SNCAIP: variants seen among roughly 807,000 people sequenced by gnomAD.
SNCAIP encodes synphilin-1.
In SNCAIP, 43 loss-of-function variants were observed where a neutral mutation model predicts 86.7. That is an observed-to-expected ratio of 0.50 (90% CI 0.39 to 0.64). SNCAIP has a LOEUF of 0.64. Ranked by LOEUF, SNCAIP falls within the 30% of genes least tolerant of loss-of-function variation. The pLI, the probability that SNCAIP is intolerant of heterozygous loss-of-function variation, is 0.00. For synonymous variants in SNCAIP, 417 were observed against 427.2 expected, an observed-to-expected ratio of 0.98 and a Z score of 0.29; for missense variants, 981 against 1,103.1, an observed-to-expected ratio of 0.89 and a Z score of 1.57.
At chr5:122,380,326 A>G (rs1224511471) in intron 1 of SNCAIP, among the ~76,000 whole-genome samples, 3 of 152,220 alleles carry the variant, frequency 2.0e-5, no homozygotes, top group East Asian at 1.9e-4. Flanking sequence ...GTTTATTTGC[A>G]TAGACGTGTT....
At chr5:122,406,162 T>G (rs1312118868) in intron 3 of SNCAIP, among the ~76,000 whole-genome samples, 1 of 152,150 alleles carries the variant, frequency 6.6e-6, no homozygotes, top group African/African-American at 2.4e-5. Flanking sequence ...CATGGGCCCC[T>G]CTGAAAGAAA....
At chr5:122,395,994 C>A (rs1770538513) in intron 2 of SNCAIP, among the ~76,000 whole-genome samples, 1 of 151,622 alleles carries the variant, frequency 6.6e-6, no homozygotes, top group Non-Finnish European at 1.5e-5. Flanking sequence ...GTAAGCCCTG[C>A]CCTTCCTAGC....
In SNCAIP at chr5:122,315,045, G is replaced by T. The variant is rs10052918; in HGVS notation, c.-47+2761G>T. 3.9e-5 allele frequency among the ~76,000 whole-genome samples: 6 copies of T among 152,132 alleles called. No individual in the cohort carries two copies. In the South Asian group the frequency reaches 1.2e-3, roughly 32 times the overall value. On this transcript the variant is annotated intron_variant, in intron 1 of 10. Coordinates refer to ENST00000261368, the MANE Select transcript of SNCAIP (RefSeq NM_005460.4). ...GGAATTCTGAGGAGAGAGTGATCAA[G>T]GTAGCTTAAATGTTATATCAGTTAT...
At chr5:122,315,646 G>T (rs1180277478) in intron 1 of SNCAIP, among the ~76,000 whole-genome samples, 1 of 152,102 alleles carries the variant, frequency 6.6e-6, no homozygotes, top group East Asian at 1.9e-4. Flanking sequence ...AATAGCCCAG[G>T]ATTTAGGTTA....
At chr5:122,325,567 A>G (rs1041276726) in intron 1 of SNCAIP, among the ~76,000 whole-genome samples, 111 of 152,232 alleles carry the variant, frequency 7.3e-4, no homozygotes, top group African/African-American at 2.6e-3. Context: ...TGCCCTTTTT[A>G]CTAAACAACT....
intron 1 of SNCAIP, among the ~76,000 whole-genome samples, chr5:122,380,139 G>C (rs966219870): frequency 1.3e-5 from 2 of 152,100 alleles, no homozygotes; most frequent in Non-Finnish European, 2.9e-5. Context: ...TTGTACCTCT[G>C]GTAGAATTCG....
chr5:122,447,281 C>T (rs1266273170), intron 8 of SNCAIP, among the ~76,000 whole-genome samples: 2 of 152,126 alleles, frequency 1.3e-5, no homozygotes, highest in Non-Finnish European at 2.9e-5. Flanking sequence ...CAGAGCTGTG[C>T]GATAATAAAC....
At chr5:122,406,350 G>A (rs186168679) in intron 3 of SNCAIP, among the ~76,000 whole-genome samples, 189 of 152,248 alleles carry the variant, frequency 1.2e-3, no homozygotes, top group Non-Finnish European at 1.4e-3. Flanking sequence ...TCAAACAGAC[G>A]CAGCAGAATG....
intron 7 of SNCAIP, 168 bp from the exon 8 acceptor site, chr5:122,444,395 T>C: frequency 1.4e-6 from 1 of 694,432 alleles, no homozygotes; most frequent in Admixed American, 2.0e-5. Context: ...TTGATAGTAG[T>C]AGGACTGGCT....
At chr5:122,320,536 G>T (rs932707683) in intron 1 of SNCAIP, among the ~76,000 whole-genome samples, 1 of 152,196 alleles carries the variant, frequency 6.6e-6, no homozygotes, top group Non-Finnish European at 1.5e-5. Context: ...GAAGTATCAA[G>T]AATTTATTCT....
chr5:122,383,156 A>C (rs1202539717), intron 1 of SNCAIP, among the ~76,000 whole-genome samples: 3 of 152,090 alleles, frequency 2.0e-5, no homozygotes, highest in African/African-American at 7.2e-5. Context: ...GCAGCCTTGC[A>C]GTTTGATCTC....
intron 3 of SNCAIP, among the ~76,000 whole-genome samples, chr5:122,422,323 A>G (rs1018154532): frequency 6.6e-6 from 1 of 152,132 alleles, no homozygotes; most frequent in African/African-American, 2.4e-5. Context: ...TTAATGGCAC[A>G]CCTAGGGAGT....
chr5:122,364,956 CAT>C (rs1762863884), intron 1 of SNCAIP, among the ~76,000 whole-genome samples: 1 of 151,990 alleles, frequency 6.6e-6, no homozygotes, highest in African/African-American at 2.4e-5. Context: ...TGAAAGAAAA[CAT>C]AGAAAAGAAT....
At chr5:122,370,120 C>T (rs1490651442) in intron 1 of SNCAIP, 1 of 151,976 alleles carries the variant, frequency 6.6e-6, no homozygotes, top group Non-Finnish European at 1.5e-5. Flanking sequence ...ATGGATATCC[C>T]AGTTACTCCA....
intron 1 of SNCAIP, among the ~76,000 whole-genome samples, chr5:122,323,633 A>G (rs964685237): frequency 2.6e-5 from 4 of 152,230 alleles, no homozygotes; most frequent in Admixed American, 1.3e-4. Context: ...AAGCATCACG[A>G]TGTGTGAGTA....
intron 10 of SNCAIP, among the ~76,000 whole-genome samples, chr5:122,455,612 G>C (rs547268685): frequency 6.6e-6 from 1 of 152,134 alleles, no homozygotes; most frequent in African/African-American, 2.4e-5. Flanking sequence ...AAAAGAGTGA[G>C]GCGATGGATC....
At chr5:122,401,417 C>A (rs919711482) in intron 2 of SNCAIP, among the ~76,000 whole-genome samples, 2 of 152,144 alleles carry the variant, frequency 1.3e-5, no homozygotes, top group Admixed American at 6.6e-5. Context: ...TTTATACTTA[C>A]TGAAACAGAT....
chr5:122,372,125 A>G (rs1269433707), intron 1 of SNCAIP, among the ~76,000 whole-genome samples: 1 of 152,174 alleles, frequency 6.6e-6, no homozygotes, highest in African/African-American at 2.4e-5. Context: ...ATGCAGCACT[A>G]GGAGTTTTTC....
At chr5:122,413,967 T>C (rs1434606994) in intron 3 of SNCAIP, among the ~76,000 whole-genome samples, 1 of 152,164 alleles carries the variant, frequency 6.6e-6, no homozygotes, top group African/African-American at 2.4e-5. Context: ...TGAAGTGAAT[T>C]GGTACAATCA....
Sources: gnomAD v4.1 joint callset for allele counts (sites outside exome capture counted in the v4.1 genomes callset) on GRCh38, gnomAD v4.1.1 for gene constraint, MANE v1.5 for transcripts, NCBI Gene and HGNC (gene_info 2026-07-23, HGNC 2026-07-21) for gene names.